Variants in SDCCAG8 observed in about 807,000 individuals in gnomAD.
SDCCAG8 encodes the protein SHH signaling and ciliogenesis regulator SDCCAG8, also known as serologically defined colon cancer antigen 8.
In SDCCAG8, 74 loss-of-function variants were observed where a neutral mutation model predicts 101.8. That is an observed-to-expected ratio of 0.73 (90% confidence interval 0.60 to 0.88). SDCCAG8 has a LOEUF of 0.88. SDCCAG8 is among the 40% of genes least tolerant of loss of function. The pLI, the probability that SDCCAG8 is intolerant of heterozygous loss-of-function variation, is 0.00. For synonymous variants in SDCCAG8, 281 were observed against 292.9 expected (o/e 0.96, Z 0.41); for missense variants, 787 against 822.6 (o/e 0.96, Z 0.53).
chr1:243,498,904 C>T (rs551938138), intron 17 of SDCCAG8, among the ~76,000 whole-genome samples: 3 of 152,208 alleles, frequency 2.0e-5, no homozygotes, highest in Non-Finnish European at 4.4e-5. Context: ...ACGTAGAAAC[C>T]GGGATTTGGA....
intron 12 of SDCCAG8, among the ~76,000 whole-genome samples, chr1:243,348,596 T>A (rs1196682749): frequency 6.6e-6 from 1 of 151,978 alleles, no homozygotes; most frequent in Non-Finnish European, 1.5e-5. Flanking sequence ...TTCTGAGAAC[T>A]GCGTAGGGCT....
chr1:243,477,033 C>CACACACACACACAGAG lies in SDCCAG8; in HGVS notation c.1986-11980_1986-11979insCACACACACACAGAGA, dbSNP rs942231630. On this transcript the variant is annotated intron_variant, in intron 16 of 17. Transcript: ENST00000366541. ...ACACACACACACACACACACACACA[C>CACACACACACACAGAG]AGAGAGAAAGGCAGGAGAGCGTAAT... Among the ~76,000 whole-genome samples, 16 of 150,416 alleles carry CACACACACACACAGAG rather than the reference C, an allele frequency of 1.1e-4. No individual in the cohort carries two copies. In the South Asian group the frequency reaches 2.3e-3, roughly 22 times the overall value.
At position 243,427,534 on chromosome 1, in the gene SDCCAG8, C is replaced by T. The variant is rs182557259; in HGVS notation, c.1985+976C>T. Among the ~76,000 whole-genome samples the T allele has an allele frequency of 4.6e-5, 7 of 152,108 alleles. No homozygotes were observed. In the East Asian group the frequency reaches 1.2e-3, roughly 25 times the overall value. On this transcript the variant is annotated intron_variant, in intron 16 of 17. Transcript: ENST00000366541. ...AGCCACCCTTCCAGTGGACACGGTT[C>T]GCGTGGCCTCCAGCTCGGCATCCCC...
At chr1:243,256,966 T>A (rs2066772107) in intron 1 of SDCCAG8, among the ~76,000 whole-genome samples, 1 of 152,236 alleles carries the variant, frequency 6.6e-6, no homozygotes, top group Non-Finnish European at 1.5e-5. Context: ...TCTGTATTTA[T>A]TTTCCTTTAA....
rs1281014039 is a variant in SDCCAG8, at chr1:243,436,964, C to A, written c.1985+10406C>A. 2.0e-5 allele frequency among the ~76,000 whole-genome samples: 3 copies of A among 152,110 alleles called. 1 individual carries two copies. The highest frequency in any genetic ancestry group is 4.4e-5 in the Non-Finnish European group (3 of 68,034). Reference sequence around the variant, plus strand: ...AGGGGAAAAAAGGTACATTTCAGTGCTGAAAGTCCCTGAAAAATTTCTTCC... The same window carrying A: ...AGGGGAAAAAAGGTACATTTCAGTGATGAAAGTCCCTGAAAAATTTCTTCC... On this transcript the variant is annotated intron_variant, in intron 16 of 17. Coordinates refer to ENST00000366541, the MANE Select transcript of SDCCAG8 (RefSeq NM_006642.5).
Position 243,304,699 on chromosome 1 carries a change from TTTC to T in SDCCAG8, c.676-11_676-9del, listed in dbSNP as rs757312997. On this transcript the variant is annotated splice_polypyrimidine_tract_variant and intron_variant, in intron 6 of 17. Transcript: ENST00000366541. ...ACATAGAGAAAAATGTACTTCTATT[TTTC>T]TTTTCTATAGGAGAAGCTAAAACTT... 1 of 1,415,430 alleles carries T rather than the reference TTTC, an allele frequency of 7.1e-7. No individual in the cohort carries two copies. The highest frequency in any genetic ancestry group is 2.3e-5 in the East Asian group (1 of 43,794). 87.7% of individuals were successfully genotyped at this position (1,415,430 alleles called of 1,614,324 possible). A position where few individuals can be genotyped will look rare whatever the true frequency, so the allele number is the denominator to read the frequency against.
At chr1:243,399,244 G>A (rs67807908) in intron 13 of SDCCAG8, among the ~76,000 whole-genome samples, 16,556 of 152,112 alleles carry the variant, frequency 0.11, 1,204 homozygotes, top group African/African-American at 0.21. Flanking sequence ...TAGAGTCTAA[G>A]TTTCCTTTCT....
intron 9 of SDCCAG8, among the ~76,000 whole-genome samples, chr1:243,322,854 T>C (rs1354975805): frequency 4.0e-5 from 6 of 151,802 alleles, no homozygotes; most frequent in African/African-American, 7.3e-5. Flanking sequence ...AGCCACTTAA[T>C]AGCCGGGCGC....
intron 7 of SDCCAG8, chr1:243,305,856 A>G (rs1408723576): frequency 6.6e-6 from 1 of 152,260 alleles, no homozygotes; most frequent in Admixed American, 6.5e-5. Flanking sequence ...TGGGAAGCCA[A>G]GGCGGGTGGA....
chr1:243,303,277 CT>C (rs1481555901), intron 6 of SDCCAG8, among the ~76,000 whole-genome samples: 5 of 152,178 alleles, frequency 3.3e-5, no homozygotes, highest in African/African-American at 1.2e-4. Context: ...CTTTTGACTT[CT>C]TTTATGACGT....
intron 16 of SDCCAG8, among the ~76,000 whole-genome samples, chr1:243,427,485 G>A (rs553382517): frequency 6.8e-4 from 104 of 152,258 alleles, no homozygotes; most frequent in African/African-American, 2.4e-3. Context: ...ACTTCCACAT[G>A]ACAACCGCAT....
chr1:243,442,747 C>T (rs1423190027), intron 16 of SDCCAG8, among the ~76,000 whole-genome samples: 8 of 152,164 alleles, frequency 5.3e-5, no homozygotes, highest in Admixed American at 5.2e-4. Context: ...CTGATTTCTT[C>T]TTCATGGAGA....
intron 16 of SDCCAG8, among the ~76,000 whole-genome samples, chr1:243,441,144 G>A (rs1245108088): frequency 1.3e-5 from 2 of 152,108 alleles, no homozygotes. Flanking sequence ...AGGCTTTTGA[G>A]TCACTCTTTT....
At chr1:243,463,946 G>A (rs3006909) in intron 16 of SDCCAG8, among the ~76,000 whole-genome samples, 5,043 of 152,068 alleles carry the variant, frequency 0.033, 310 homozygotes, top group African/African-American at 0.11. Flanking sequence ...AGCCAGCAGG[G>A]GTAGGTGCCA....
At chr1:243,430,237 C>T (rs1039613463) in intron 16 of SDCCAG8, among the ~76,000 whole-genome samples, 1 of 151,948 alleles carries the variant, frequency 6.6e-6, no homozygotes, top group Non-Finnish European at 1.5e-5. Flanking sequence ...CTGGCCCTCT[C>T]CTAAAAAATT....
chr1:243,371,051 G>T (rs1054578551), intron 12 of SDCCAG8, among the ~76,000 whole-genome samples: 4 of 152,100 alleles, frequency 2.6e-5, no homozygotes, highest in African/African-American at 9.7e-5. Flanking sequence ...TAGCCCTAAA[G>T]TCTCCTGCAG....
chr1:243,318,925 G>A (rs999924256), intron 9 of SDCCAG8, among the ~76,000 whole-genome samples: 5 of 152,170 alleles, frequency 3.3e-5, no homozygotes, highest in Non-Finnish European at 5.9e-5. Flanking sequence ...TAAAGAAAGA[G>A]CAGAGATTGG....
intron 6 of SDCCAG8, among the ~76,000 whole-genome samples, chr1:243,301,119 T>C (rs2071460371): frequency 6.6e-6 from 1 of 152,174 alleles, no homozygotes; most frequent in Non-Finnish European, 1.5e-5. Flanking sequence ...CACGGAGTCA[T>C]TCTCAGGAGG....
In SDCCAG8 at chr1:243,283,401, TTATA is replaced by T. The variant is rs58028915; in HGVS notation, c.421-2858_421-2855del. 6.1e-5 allele frequency among the ~76,000 whole-genome samples: 9 copies of T among 146,812 alleles called. No homozygotes were observed. In the East Asian group the frequency reaches 9.9e-4, roughly 16 times the overall value. On this transcript the variant is annotated intron_variant, in intron 4 of 17. Transcript: ENST00000366541. Reference sequence around the variant, plus strand: ...TTTCCTTTTTTGTGTCCCTGTTTATTTATATATATATATATACATGTATATATAT... The same window carrying T: ...TTTCCTTTTTTGTGTCCCTGTTTATTTATATATATATACATGTATATATAT...
Sources: allele counts gnomAD v4.1 joint callset (sites outside exome capture counted in the v4.1 genomes callset), GRCh38; gene constraint gnomAD v4.1.1; transcripts MANE v1.5; gene names NCBI Gene and HGNC (gene_info 2026-07-23, HGNC 2026-07-21).